The following TMEM164 variants were observed in gnomAD, a reference collection of about 807,000 sequenced individuals.
The protein encoded by TMEM164 is transmembrane protein 164.
A neutral mutation model predicts 18.8 loss-of-function variants in TMEM164; 4 were observed. The observed-to-expected ratio is 0.21, with a 90% confidence interval of 0.10 to 0.49. The LOEUF (loss-of-function observed/expected upper bound fraction) is 0.49. TMEM164 is among the 20% of genes least tolerant of loss of function. The probability of loss-of-function intolerance (pLI) is 0.98; values close to 1 mark genes in which losing one functional copy is unlikely to be tolerated. For missense variants in TMEM164, 108 were observed against 239.9 expected, an observed-to-expected ratio of 0.45 and a Z score of 3.63; for synonymous variants, 86 against 101.7, an observed-to-expected ratio of 0.85 and a Z score of 0.93.
At chrX:110,157,684 A>T (rs1347230374) in intron 5 of TMEM164, among the ~76,000 whole-genome samples, 1 of 111,661 alleles carries the variant, frequency 9.0e-6, no homozygotes. Context: ...AGAAGGAGAT[A>T]AGCCTAGACT....
intron 5 of TMEM164, among the ~76,000 whole-genome samples, chrX:110,151,731 C>T (rs1309560857): frequency 2.0e-4 from 22 of 111,058 alleles, no homozygotes; most frequent in Admixed American, 1.7e-3. Context: ...TGCAGTGAGC[C>T]GAGATTGTGC....
At chrX:110,054,323 A>G (rs1000663168) in intron 2 of TMEM164, among the ~76,000 whole-genome samples, 2 of 112,453 alleles carry the variant, frequency 1.8e-5, no homozygotes, top group African/African-American at 6.5e-5. Flanking sequence ...GTTGTTACTA[A>G]CAACAGTATG....
chrX:110,028,051 T>A (rs1162002634), intron 2 of TMEM164, among the ~76,000 whole-genome samples: 2 of 112,442 alleles, frequency 1.8e-5, no homozygotes, highest in Non-Finnish European at 3.8e-5. Context: ...ATTCAATTTC[T>A]TTAATGGTTA....
intron 5 of TMEM164, among the ~76,000 whole-genome samples, chrX:110,145,775 T>C (rs2066844551): frequency 8.9e-6 from 1 of 111,861 alleles, no homozygotes; most frequent in African/African-American, 3.3e-5. Context: ...CACTGCTGCT[T>C]CTTGGCTTAT....
intron 4 of TMEM164, among the ~76,000 whole-genome samples, chrX:110,123,885 G>A (rs975125029): frequency 3.6e-5 from 4 of 111,699 alleles, no homozygotes; most frequent in African/African-American, 1.3e-4. Context: ...GCCGATGTGG[G>A]AGGGTCACTT....
intron 3 of TMEM164, among the ~76,000 whole-genome samples, chrX:110,073,695 T>C (rs1169507634): frequency 8.9e-6 from 1 of 112,083 alleles, no homozygotes; most frequent in Non-Finnish European, 1.9e-5. Context: ...GGTTGAGTGG[T>C]AGTTCTGCTT....
chrX:110,015,075 C>G (rs1276700619), intron 2 of TMEM164, among the ~76,000 whole-genome samples: 3 of 112,132 alleles, frequency 2.7e-5, no homozygotes, highest in Non-Finnish European at 5.6e-5. Context: ...TCCTCCTTTT[C>G]AAGACTTTGC....
intron 5 of TMEM164, among the ~76,000 whole-genome samples, chrX:110,163,510 C>T (rs1298420529): frequency 2.7e-5 from 3 of 111,940 alleles, no homozygotes; most frequent in Non-Finnish European, 1.9e-5. Flanking sequence ...TGCCCACCAG[C>T]TGCATGTGAC....
At chrX:110,084,439 A>ATATAGTGTATATATATATAG (rs2065818114) in intron 3 of TMEM164, among the ~76,000 whole-genome samples, 1 of 88,861 alleles carries the variant, frequency 1.1e-5, no homozygotes, top group Non-Finnish European at 2.2e-5. Flanking sequence ...TAGTATATAT[A>ATATAGTGTATATATATATAG]TATAGTATAT....
intron 4 of TMEM164, among the ~76,000 whole-genome samples, chrX:110,139,072 A>G (rs1184582514): frequency 8.9e-6 from 1 of 112,726 alleles, no homozygotes; most frequent in Admixed American, 9.3e-5. Flanking sequence ...GCAGAGAAAT[A>G]GAGGTGGAAG....
chrX:110,022,201 G>C (rs1397248461), intron 2 of TMEM164, among the ~76,000 whole-genome samples: 1 of 109,023 alleles, frequency 9.2e-6, no homozygotes, highest in Non-Finnish European at 1.9e-5. Context: ...CACTAGAAAT[G>C]TGTGTGTGTG....
At chrX:110,068,450 G>A (rs2065533444) in intron 3 of TMEM164, among the ~76,000 whole-genome samples, 1 of 112,115 alleles carries the variant, frequency 8.9e-6, no homozygotes, top group Admixed American at 9.5e-5. Context: ...TGTTTTAAAA[G>A]TAACATTTAT....
chrX:110,138,064 C>T (rs2066715891), intron 4 of TMEM164, among the ~76,000 whole-genome samples: 1 of 112,052 alleles, frequency 8.9e-6, no homozygotes. Context: ...TCTCTTCTTG[C>T]TAAGGCAGAA....
intron 3 of TMEM164, among the ~76,000 whole-genome samples, chrX:110,105,731 CAGAGAGAGAGAGAGAGAATGAGAG>C (rs1421560740): frequency 1.2e-5 from 1 of 86,719 alleles, no homozygotes; most frequent in African/African-American, 4.5e-5. Flanking sequence ...GACACACACA[CAGAGAGAGAGAGAGAGAATGAGAG>C]AGAGAGAGAG....
At chrX:110,055,696 C>T (rs1489080715) in intron 2 of TMEM164, among the ~76,000 whole-genome samples, 4 of 111,223 alleles carry the variant, frequency 3.6e-5, no homozygotes, top group South Asian at 7.7e-4. Context: ...GAGGGGTTTG[C>T]ATAGGAGGGA....
intron 3 of TMEM164, among the ~76,000 whole-genome samples, chrX:110,092,920 G>A (rs1299605469): frequency 8.0e-5 from 9 of 111,937 alleles, no homozygotes; most frequent in African/African-American, 2.9e-4. Context: ...TTAGCATGAA[G>A]GGCTGTTGAA....
Position 110,060,266 on chromosome X carries a change from G to GAA in TMEM164, c.391-7064_391-7063dup, listed in dbSNP as rs140796343. ...TGGGTGACAAACCAAGACCCTGTCT[G>GAA]AAAAAAAAAAAAAAAAAAGAAAAGA... On this transcript the variant is annotated intron_variant, in intron 2 of 6. Coordinates refer to ENST00000372068, the MANE Select transcript of TMEM164 (RefSeq NM_032227.4). 6.3e-3 allele frequency among the ~76,000 whole-genome samples: 326 copies of GAA among 51,463 alleles called. 4 individuals carry two copies. The highest frequency in any genetic ancestry group is 0.028 in the Middle Eastern group (2 of 71). The allele number at this position is 51,463 out of a possible 115,157, so 44.7% of individuals were successfully genotyped here.
chrX:110,003,651 G>T lies in TMEM164; in HGVS notation c.-124G>T, dbSNP rs1932486807. 1 of 794,585 alleles carries T rather than the reference G, an allele frequency of 1.3e-6. No homozygotes were observed. The highest frequency in any genetic ancestry group is 2.1e-5 in the African/African-American group (1 of 46,972). The allele number at this position is 794,585 out of a possible 1,213,427, so 65.5% of individuals were successfully genotyped here. A position where few individuals can be genotyped will look rare whatever the true frequency, so the allele number is the denominator to read the frequency against. On this transcript the variant is annotated 5_prime_UTR_variant, in exon 2 of 7. Transcript: ENST00000372068. ...CCCCTCCCCTACTCTCGGTGCCCTGGTGTCTGGAGGGGGGTTGTGGGGGTG... is the reference window on the plus strand; with the variant it reads ...CCCCTCCCCTACTCTCGGTGCCCTGTTGTCTGGAGGGGGGTTGTGGGGGTG...
chrX:110,148,530 G>A lies in TMEM164; in HGVS notation c.586+3654G>A, dbSNP rs1335458555. 2.8e-5 allele frequency among the ~76,000 whole-genome samples: 3 copies of A among 108,252 alleles called. No homozygotes were observed. In the South Asian group the frequency reaches 1.2e-3, roughly 44 times the overall value. 94.0% of individuals were successfully genotyped at this position (108,252 alleles called of 115,157 possible). On this transcript the variant is annotated intron_variant, in intron 5 of 6. Transcript: ENST00000372068. ...TTCTTTCTTTTTTTTTCTTTTTTTAGACAGGGTCTCACTGTATCACCCAGG... is the reference window on the plus strand; with the variant it reads ...TTCTTTCTTTTTTTTTCTTTTTTTAAACAGGGTCTCACTGTATCACCCAGG...
Sources: gnomAD v4.1 joint callset for allele counts (sites outside exome capture counted in the v4.1 genomes callset) on GRCh38, gnomAD v4.1.1 for gene constraint, MANE v1.5 for transcripts, NCBI Gene and HGNC (gene_info 2026-07-23, HGNC 2026-07-21) for gene names.